SMIM1: variants seen among roughly 807,000 people sequenced by gnomAD.
SMIM1 encodes small integral membrane protein 1.
A neutral mutation model predicts 7.7 loss-of-function variants in SMIM1; 7 were observed. That is an observed-to-expected ratio of 0.91 (90% CI 0.52 to 1.71). The LOEUF (loss-of-function observed/expected upper bound fraction) is 1.71, where lower values mean the gene tolerates loss of function less well. Ranked by LOEUF, SMIM1 falls within the 40% of genes most tolerant of loss-of-function variation. SMIM1 has a pLI of 0.00. For missense variants in SMIM1, 95 were observed against 102.8 expected (o/e 0.92, Z 0.33); for synonymous variants, 41 against 42.7 (o/e 0.96, Z 0.16).
At chr1:3,774,688 G>A (rs957453638) in intron 2 of SMIM1, among the ~76,000 whole-genome samples, 1 of 151,416 alleles carries the variant, frequency 6.6e-6, no homozygotes, top group Non-Finnish European at 1.5e-5. Flanking sequence ...CCGGCCCCGT[G>A]CTCAGTGCAT....
intron 2 of SMIM1, among the ~76,000 whole-genome samples, chr1:3,773,409 G>A (rs1419149623): frequency 6.6e-6 from 1 of 152,234 alleles, no homozygotes; most frequent in Non-Finnish European, 1.5e-5. Context: ...CTCAAGGGCC[G>A]GCTCTGGTGG....
rs543850169 is a variant in SMIM1, at chr1:3,775,855, G to A, written c.171G>A (p.Val57=). The A allele has an allele frequency of 1.7e-5, 26 of 1,550,940 alleles. No individual in the cohort carries two copies. Among genetic ancestry groups the A allele is most frequent in the Non-Finnish European group, 2.3e-5 (26 of 1,146,940 alleles). The part of the protein sequence containing the change: ...LGIAMKVLGG[V]ALFWIIFILG... ...TCGCCATGAAGGTGCTGGGCGGCGTGGCCCTCTTCTGGATCATCTTCATCC... is the reference window on the plus strand; with the variant it reads ...TCGCCATGAAGGTGCTGGGCGGCGTAGCCCTCTTCTGGATCATCTTCATCC... Residue 57 remains valine (V), a synonymous_variant, in exon 4 of 4, where the codon GTG becomes GTA. Coordinates refer to ENST00000642557, the MANE Select transcript of SMIM1 (RefSeq NM_001288583.2). The surrounding 1 kb of genome is among the most constrained non-coding windows in gnomAD (Gnocchi z 5.3).
intron 2 of SMIM1, among the ~76,000 whole-genome samples, chr1:3,774,008 CCT>C (rs1643421188): frequency 6.6e-6 from 1 of 151,856 alleles, no homozygotes; most frequent in South Asian, 2.1e-4. Context: ...GCTCCTTCTG[CCT>C]CTCTGGGCTT....
In SMIM1 at chr1:3,775,020, A is replaced by G. The variant is rs1643436438; in HGVS notation, c.-75-279A>G. On this transcript the variant is annotated intron_variant, in intron 2 of 3. Coordinates refer to ENST00000642557, the MANE Select transcript of SMIM1 (RefSeq NM_001288583.2). This position sits in a 1 kb window ranked among gnomAD's most constrained non-coding sequence, Gnocchi z 5.3. ...TGGCAGGCTGTGCAGGCTCCCTGATAAAAGCACCGGGGAAGGGAGGCTCCT... is the reference window on the plus strand; with the variant it reads ...TGGCAGGCTGTGCAGGCTCCCTGATGAAAGCACCGGGGAAGGGAGGCTCCT... Among the ~76,000 whole-genome samples the G allele has an allele frequency of 6.6e-6, 1 of 152,114 alleles. No homozygotes were observed. The highest frequency in any genetic ancestry group is 1.5e-5 in the Non-Finnish European group (1 of 68,006).
At chr1:3,773,929 C>A (rs1643420147) in intron 2 of SMIM1, among the ~76,000 whole-genome samples, 1 of 152,228 alleles carries the variant, frequency 6.6e-6, no homozygotes, top group Non-Finnish European at 1.5e-5. Context: ...CTGGGCCTCT[C>A]CGGGCCTGAG....
chr1:3,775,574 C>T lies in SMIM1; in HGVS notation c.110+91C>T. On this transcript the variant is annotated intron_variant, in intron 3 of 3. Transcript: ENST00000642557. The surrounding 1 kb of genome is among the most constrained non-coding windows in gnomAD (Gnocchi z 5.3). ...CTAACCCCTGCTACCGGCCCCATCACCCTCCACCCCATCCTGGCTGGGAGC... is the reference window on the plus strand; with the variant it reads ...CTAACCCCTGCTACCGGCCCCATCATCCTCCACCCCATCCTGGCTGGGAGC... 7.6e-7 allele frequency: 1 copy of T among 1,308,152 alleles called. No individual in the cohort carries two copies. The highest frequency in any genetic ancestry group is 2.5e-5 in the East Asian group (1 of 39,426). 81.0% of individuals were successfully genotyped at this position (1,308,152 alleles called of 1,614,324 possible). A position where few individuals can be genotyped will look rare whatever the true frequency, so the allele number is the denominator to read the frequency against.
At chr1:3,773,776 G>A (rs1643417826) in intron 2 of SMIM1, among the ~76,000 whole-genome samples, 1 of 152,178 alleles carries the variant, frequency 6.6e-6, no homozygotes, top group Non-Finnish European at 1.5e-5. Context: ...TCTTACCCGG[G>A]TCATGGCTGT....
At position 3,775,853 on chromosome 1, in the gene SMIM1, G is replaced by A. The variant is rs775285207; in HGVS notation, c.169G>A (p.Val57Met). Reference protein sequence around the residue: ...LGIAMKVLGGVALFWIIFILG... With the variant: ...LGIAMKVLGGMALFWIIFILG... ...CATCGCCATGAAGGTGCTGGGCGGCGTGGCCCTCTTCTGGATCATCTTCAT... is the reference window on the plus strand; with the variant it reads ...CATCGCCATGAAGGTGCTGGGCGGCATGGCCCTCTTCTGGATCATCTTCAT... Residue 57 changes from valine (V) to methionine (M), a missense_variant, in exon 4 of 4, where the codon GTG (valine) becomes ATG (methionine). Coordinates refer to ENST00000642557, the MANE Select transcript of SMIM1 (RefSeq NM_001288583.2). This position sits in a 1 kb window ranked among gnomAD's most constrained non-coding sequence, Gnocchi z 5.3. 41 of 1,550,932 alleles carry A rather than the reference G, an allele frequency of 2.6e-5. No individual in the cohort carries two copies. The highest frequency in any genetic ancestry group is 5.5e-5 in the African/African-American group (4 of 73,178).
Position 3,775,672 on chromosome 1 carries a change from C to CGAA in SMIM1, c.111-123_111-122insGAA. 2 of 1,403,038 alleles carry CGAA rather than the reference C, an allele frequency of 1.4e-6. No individual in the cohort carries two copies. The highest frequency in any genetic ancestry group is 1.9e-6 in the Non-Finnish European group (2 of 1,061,894). 86.9% of individuals were successfully genotyped at this position (1,403,038 alleles called of 1,614,324 possible). A position where few individuals can be genotyped will look rare whatever the true frequency, so the allele number is the denominator to read the frequency against. On this transcript the variant is annotated intron_variant, in intron 3 of 3. Coordinates refer to ENST00000642557, the MANE Select transcript of SMIM1 (RefSeq NM_001288583.2). This position sits in a 1 kb window ranked among gnomAD's most constrained non-coding sequence, Gnocchi z 5.3. ...GTTGGCTGTGGGCGGGGAGAGCTTC[C>CGAA]TCTTGACTCCAGCAGAGCGCCCAGG...
intron 2 of SMIM1, among the ~76,000 whole-genome samples, chr1:3,774,007 G>A (rs1643421101): frequency 6.6e-6 from 1 of 151,908 alleles, no homozygotes; most frequent in African/African-American, 2.4e-5. Context: ...AGCTCCTTCT[G>A]CCTCTCTGGG....
Position 3,775,744 on chromosome 1 carries a change from C to T in SMIM1, c.111-51C>T, listed in dbSNP as rs1643448565. 5.9e-6 allele frequency: 9 copies of T among 1,529,650 alleles called. No individual in the cohort carries two copies. In the East Asian group the frequency reaches 2.2e-4, roughly 38 times the overall value. 94.8% of individuals were successfully genotyped at this position (1,529,650 alleles called of 1,614,324 possible). On this transcript the variant is annotated intron_variant, in intron 3 of 3. Transcript: ENST00000642557. The surrounding 1 kb of genome is among the most constrained non-coding windows in gnomAD (Gnocchi z 5.3). ...AACGGCCACAGTCCACTTAGGGGGCCCCTCATGCGGCCCTGGCCTGGGGCT... is the reference window on the plus strand; with the variant it reads ...AACGGCCACAGTCCACTTAGGGGGCTCCTCATGCGGCCCTGGCCTGGGGCT...
In SMIM1 at chr1:3,775,164, C is replaced by G; in HGVS notation, c.-75-135C>G. The stretch of plus-strand genomic sequence containing the variant: ...TGACCCTGGGCAAATGACTCTACCA[C>G]TTTGTGTCTAGGTCACCTGTTAAGT... On this transcript the variant is annotated intron_variant, in intron 2 of 3. Transcript: ENST00000642557. The surrounding 1 kb of genome is among the most constrained non-coding windows in gnomAD (Gnocchi z 5.3). 2.0e-6 allele frequency: 1 copy of G among 493,518 alleles called. No homozygotes were observed. The highest frequency in any genetic ancestry group is 3.7e-6 in the Non-Finnish European group (1 of 269,030). 30.6% of individuals were successfully genotyped at this position (493,518 alleles called of 1,614,324 possible).
At chr1:3,772,922 C>G (rs1643400657) in intron 1 of SMIM1, 134 bp downstream of exon 1, 1 of 152,298 alleles carries the variant, frequency 6.6e-6, no homozygotes, top group Admixed American at 6.5e-5. Context: ...CGGCCTAACC[C>G]GCGGTGCGGG....
chr1:3,775,331 C>T lies in SMIM1; in HGVS notation c.-43C>T, dbSNP rs1431689319. On this transcript the variant is annotated 5_prime_UTR_variant, in exon 3 of 4. Transcript: ENST00000642557. This position sits in a 1 kb window ranked among gnomAD's most constrained non-coding sequence, Gnocchi z 5.3. Reference sequence around the variant, plus strand: ...ACAGCCTGGCCACCTGTCTTGATCTCCCCACCGAGAAGGCCCCGCCCCTCC... The same window carrying T: ...ACAGCCTGGCCACCTGTCTTGATCTTCCCACCGAGAAGGCCCCGCCCCTCC... The T allele has an allele frequency of 1.4e-6, 2 of 1,474,102 alleles. No homozygotes were observed. Among genetic ancestry groups the T allele is most frequent in the Admixed American group, 2.1e-5 (1 of 46,598 alleles). The allele number at this position is 1,474,102 out of a possible 1,614,324, so 91.3% of individuals were successfully genotyped here.
Position 3,775,790 on chromosome 1 carries a change from C to T in SMIM1, c.111-5C>T, listed in dbSNP as rs771300957. The T allele has an allele frequency of 1.2e-5, 18 of 1,549,512 alleles. No homozygotes were observed. Among genetic ancestry groups the T allele is most frequent in the Non-Finnish European group, 1.4e-5 (16 of 1,146,750 alleles). ...GGGCTCACCTCCAGTTGGTTCTCAC[C>T]CCAGGATCTCCCAGAGGCTGTGCAC... On this transcript the variant is annotated splice_region_variant and splice_polypyrimidine_tract_variant and intron_variant, in intron 3 of 3. Transcript: ENST00000642557. The surrounding 1 kb of genome is among the most constrained non-coding windows in gnomAD (Gnocchi z 5.3).
rs1456374811 is a variant in SMIM1, at chr1:3,775,912, G to A, written c.228G>A (p.Lys76=). The change falls in exon 4 of 4, where the codon AAG becomes AAA. Residue 76 remains lysine (K), a synonymous_variant. Transcript: ENST00000642557. The surrounding 1 kb of genome is among the most constrained non-coding windows in gnomAD (Gnocchi z 5.3). ...ACCTCACAGGCTACTATGTGCACAA[G>A]TGCAAATAAATGCTGCCCCGCATGC... ...LGYLTGYYVH[K]CK is the part of the protein sequence containing the mutation. 7.7e-6 allele frequency: 12 copies of A among 1,549,760 alleles called. 1 individual carries two copies. In the Admixed American group the frequency reaches 1.2e-4, roughly 15 times the overall value.
rs1643451324 is a variant in SMIM1 at position 3,775,865 on chromosome 1, T to C, written c.181T>C (p.Trp61Arg). 6.4e-7 allele frequency: 1 copy of C among 1,550,798 alleles called. No homozygotes were observed. Among genetic ancestry groups the C allele is most frequent in the Non-Finnish European group, 8.7e-7 (1 of 1,146,930 alleles). Residue 61 changes from tryptophan to arginine, a missense_variant, in exon 4 of 4, where the codon TGG (tryptophan) becomes CGG (arginine). By Grantham distance (101) the Trp-to-Arg change is moderately radical. Transcript: ENST00000642557. The surrounding 1 kb of genome is among the most constrained non-coding windows in gnomAD (Gnocchi z 5.3). ...GGTGCTGGGCGGCGTGGCCCTCTTC[T>C]GGATCATCTTCATCCTGGGCTACCT... ...MKVLGGVALF[W>R]IIFILGYLTG...
At position 3,775,841 on chromosome 1, in the gene SMIM1, G is replaced by T; in HGVS notation, c.157G>T (p.Val53Leu). 1 of 1,550,982 alleles carries T rather than the reference G, an allele frequency of 6.4e-7. No individual in the cohort carries two copies. Among genetic ancestry groups the T allele is most frequent in the African/African-American group, 1.4e-5 (1 of 73,186 alleles). The change falls in exon 4 of 4, where the codon GTG (valine) becomes TTG (leucine). Residue 53 changes from valine to leucine, a missense_variant. Coordinates refer to ENST00000642557, the MANE Select transcript of SMIM1 (RefSeq NM_001288583.2). The surrounding 1 kb of genome is among the most constrained non-coding windows in gnomAD (Gnocchi z 5.3). ...CTGKLGIAMKVLGGVALFWII... is the reference protein window; with the variant it reads ...CTGKLGIAMKLLGGVALFWII... ...GGGCAAGCTGGGCATCGCCATGAAG[G>T]TGCTGGGCGGCGTGGCCCTCTTCTG...
chr1:3,775,802 C>T lies in SMIM1; in HGVS notation c.118C>T (p.Gln40Ter). ...EEASRCRRIS[Q>*]RLCTGKLGIA... ...AGTTGGTTCTCACCCCAGGATCTCC[C>T]AGAGGCTGTGCACGGGCAAGCTGGG... Residue 40 changes from glutamine to a stop codon, truncating the protein, a stop_gained, in exon 4 of 4, where the codon CAG becomes TAG. Transcript: ENST00000642557. LOFTEE classifies it high-confidence loss of function. The surrounding 1 kb of genome is among the most constrained non-coding windows in gnomAD (Gnocchi z 5.3). The T allele has an allele frequency of 6.5e-7, 1 of 1,550,300 alleles. No homozygotes were observed. Among genetic ancestry groups the T allele is most frequent in the Non-Finnish European group, 8.7e-7 (1 of 1,146,856 alleles).
Sources: gnomAD v4.1 joint callset for allele counts (sites outside exome capture counted in the v4.1 genomes callset) on GRCh38, gnomAD v4.1.1 for gene constraint, Gnocchi (gnomAD v3.1) non-coding constraint, MANE v1.5 for transcripts, NCBI Gene and HGNC (gene_info 2026-07-23, HGNC 2026-07-21) for gene names.